MOCOS: variants seen among roughly 807,000 people sequenced by gnomAD.
MOCOS encodes human molybdenum cofactor sulfurase.
Under a neutral mutation model 83.6 loss-of-function variants are expected in MOCOS, and 86 were observed. The observed-to-expected ratio is 1.03, with a 90% confidence interval of 0.86 to 1.23. The LOEUF (loss-of-function observed/expected upper bound fraction) is 1.23, where lower values mean the gene tolerates loss of function less well. Among genes scored for constraint, MOCOS ranks in the 50% most tolerant of loss-of-function variants. The pLI, the probability that MOCOS is intolerant of heterozygous loss-of-function variation, is 0.00. For missense variants in MOCOS, 1,120 were observed against 1,126.9 expected (o/e 0.99, Z 0.09); for synonymous variants, 445 against 434.7 (o/e 1.02, Z -0.29).
chr18:36,195,355 A>G lies in MOCOS; in HGVS notation c.232+9A>G, dbSNP rs1314956219. ...CATGGAAAACACTTATGGTAAAGAA[A>G]AACACCTGAAACAGGTTTTAGTCAA... On this transcript the variant is annotated intron_variant, in intron 2 of 14. Transcript: ENST00000261326. 3 of 1,608,074 alleles carry G rather than the reference A, an allele frequency of 1.9e-6. No individual in the cohort carries two copies. The South Asian group carries it at 3.3e-5, about 18-fold the overall frequency.
In MOCOS at chr18:36,200,026, T is replaced by C. The variant is rs1411161823; in HGVS notation, c.643T>C (p.Trp215Arg). The change falls in exon 4 of 15, where the codon TGG (tryptophan) becomes CGG (arginine). Residue 215 changes from tryptophan to arginine, a missense_variant. Coordinates refer to ENST00000261326, the MANE Select transcript of MOCOS (RefSeq NM_017947.4). ...TTCTGGAGTCAGATACCCCCTGTCC[T>C]GGATAGAAGAGGTCAAGTCTGGGCG... ...NFSGVRYPLS[W>R]IEEVKSGRLH... 6.2e-7 allele frequency: 1 copy of C among 1,614,082 alleles called. No individual in the cohort carries two copies. Among genetic ancestry groups the C allele is most frequent in the Non-Finnish European group, 8.5e-7 (1 of 1,180,036 alleles).
At position 36,268,793 on chromosome 18, in the gene MOCOS, T is replaced by TC; in HGVS notation, c.*109dup. On this transcript the variant is annotated 3_prime_UTR_variant, in exon 15 of 15. Transcript: ENST00000261326. ...TGTTTTGAATAAGGAGAGCTCTTTT[T>TC]CTTTAGAGGCAGGGAATGCTCTCAC... 1 of 960,472 alleles carries TC rather than the reference T, an allele frequency of 1.0e-6. No homozygotes were observed. The allele number at this position is 960,472 out of a possible 1,614,324, so 59.5% of individuals were successfully genotyped here.
chr18:36,187,778 C>G (rs551926840), intron 1 of MOCOS, 97 bp downstream of exon 1: 3 of 1,214,134 alleles, frequency 2.5e-6, no homozygotes, highest in Non-Finnish European at 3.1e-6. Flanking sequence ...CTCATTCGGG[C>G]GCATTTTGAA....
chr18:36,240,864 G>A (rs1226210213), intron 9 of MOCOS, among the ~76,000 whole-genome samples: 3 of 152,338 alleles, frequency 2.0e-5, no homozygotes, highest in South Asian at 2.1e-4. Context: ...CATCGGAAAA[G>A]CGCAGTATTC....
At chr18:36,204,358 G>A (rs911998147) in intron 5 of MOCOS, among the ~76,000 whole-genome samples, 6 of 151,974 alleles carry the variant, frequency 3.9e-5, no homozygotes, top group South Asian at 4.2e-4. Context: ...CACTTAGCAC[G>A]TTTCCAAGAT....
intron 2 of MOCOS, among the ~76,000 whole-genome samples, chr18:36,196,168 T>G (rs13381980): frequency 0.15 from 22,377 of 152,192 alleles, 1,852 homozygotes; most frequent in East Asian, 0.32. Flanking sequence ...GCAATGGCAT[T>G]GTCATCAGTG....
intron 14 of MOCOS, 49 bp downstream of exon 14, chr18:36,266,902 T>C (rs1368058517): frequency 7.1e-7 from 1 of 1,413,426 alleles, no homozygotes; most frequent in Non-Finnish European, 1.0e-6. Context: ...CCTGGTGTTA[T>C]CAATACCAGA....
At chr18:36,212,927 G>C (rs2091460576) in intron 6 of MOCOS, among the ~76,000 whole-genome samples, 1 of 152,156 alleles carries the variant, frequency 6.6e-6, no homozygotes. Flanking sequence ...ACATCCCAGG[G>C]GCTCATGTGA....
intron 10 of MOCOS, among the ~76,000 whole-genome samples, chr18:36,250,603 C>A (rs2091618351): frequency 6.6e-6 from 1 of 152,308 alleles, no homozygotes; most frequent in Non-Finnish European, 1.5e-5. Flanking sequence ...ATGTCACCAA[C>A]TTACACATTC....
At chr18:36,230,594 C>A (rs901388897) in intron 9 of MOCOS, among the ~76,000 whole-genome samples, 1 of 152,158 alleles carries the variant, frequency 6.6e-6, no homozygotes, top group Non-Finnish European at 1.5e-5. Flanking sequence ...CATTCTCTTG[C>A]GAGTGGCTTC....
chr18:36,197,775 TA>T, intron 2 of MOCOS, among the ~76,000 whole-genome samples: 2 of 151,880 alleles, frequency 1.3e-5, no homozygotes, highest in Admixed American at 6.5e-5. Context: ...GTGTCTCTCT[TA>T]AAAAAAATCT....
At chr18:36,220,933 G>A (rs200488456) in intron 9 of MOCOS, among the ~76,000 whole-genome samples, 156 of 144,794 alleles carry the variant, frequency 1.1e-3, no homozygotes, top group Middle Eastern at 3.5e-3. Flanking sequence ...TGTCTCAAAA[G>A]AAAAAAAAAA....
chr18:36,202,993 A>T, intron 4 of MOCOS, 120 bp from the exon 5 acceptor site: 1 of 935,612 alleles, frequency 1.1e-6, no homozygotes, highest in South Asian at 1.3e-5. Context: ...TTAGGTGGAG[A>T]CATAAAGCCA....
At chr18:36,214,244 C>CAAAAA (rs33965546) in intron 7 of MOCOS, among the ~76,000 whole-genome samples, 2 of 91,344 alleles carry the variant, frequency 2.2e-5, no homozygotes, top group Admixed American at 1.3e-4. Context: ...AACTCAGTCT[C>CAAAAA]AAAAAAAAAA....
At chr18:36,218,396 G>A (rs112419407) in intron 8 of MOCOS, among the ~76,000 whole-genome samples, 3 of 151,334 alleles carry the variant, frequency 2.0e-5, no homozygotes, top group East Asian at 3.9e-4. Context: ...CTTATCTTCC[G>A]GGTCTTCGAA....
In MOCOS at chr18:36,198,031, C is replaced by A. The variant is rs1738293724; in HGVS notation, c.233-659C>A. Reference sequence around the variant, plus strand: ...GTATATTCTTGTGTCTGGAGTATTTCATTTATCATGCTTTTGAAGTTCTTT... The same window carrying A: ...GTATATTCTTGTGTCTGGAGTATTTAATTTATCATGCTTTTGAAGTTCTTT... On this transcript the variant is annotated intron_variant, in intron 2 of 14. Transcript: ENST00000261326. Among the ~76,000 whole-genome samples, 2 of 152,160 alleles carry A rather than the reference C, an allele frequency of 1.3e-5. 1 individual carries two copies. The highest frequency in any genetic ancestry group is 4.1e-4 in the South Asian group (2 of 4,820).
chr18:36,251,099 A>C, intron 10 of MOCOS, 60 bp from the exon 11 acceptor site: 2 of 1,561,922 alleles, frequency 1.3e-6, no homozygotes, highest in Non-Finnish European at 1.8e-6. Context: ...TTTGCAATTC[A>C]GATTATTATT....
rs980342211 is a variant in MOCOS at position 36,218,969 on chromosome 18, A to G, written c.1798-1086A>G. ...CTGCAAGCTCCGCCTCCTGGGTTCAATTGATTCTCCTGCCTCAGCCTCCAG... is the reference window on the plus strand; with the variant it reads ...CTGCAAGCTCCGCCTCCTGGGTTCAGTTGATTCTCCTGCCTCAGCCTCCAG... On this transcript the variant is annotated intron_variant, in intron 8 of 14. Transcript: ENST00000261326. Among the ~76,000 whole-genome samples the G allele has an allele frequency of 2.7e-5, 4 of 150,670 alleles. No homozygotes were observed. In the South Asian group the frequency reaches 8.3e-4, roughly 31 times the overall value.
intron 12 of MOCOS, 55 bp from the exon 13 acceptor site, chr18:36,259,982 G>T: frequency 6.2e-7 from 1 of 1,603,638 alleles, no homozygotes. Context: ...TTATTATAGT[G>T]GTACAATTAT....
Sources: allele counts gnomAD v4.1 joint callset (sites outside exome capture counted in the v4.1 genomes callset), GRCh38; gene constraint gnomAD v4.1.1; transcripts MANE v1.5; gene names NCBI Gene and HGNC (gene_info 2026-07-23, HGNC 2026-07-21).